CSMD2: variants seen among roughly 807,000 people sequenced by gnomAD.
CSMD2 encodes the protein CUB and sushi domain-containing protein 2.
In CSMD2, 130 loss-of-function variants were observed where a neutral mutation model predicts 398.5. The ratio of observed to expected loss-of-function variants is 0.33; its 90% CI spans 0.28 to 0.38. The LOEUF (loss-of-function observed/expected upper bound fraction) is 0.38. Among genes scored for constraint, CSMD2 ranks in the 10% least tolerant of loss-of-function variants. CSMD2 has a pLI of 1.00. For synonymous variants in CSMD2, 1,828 were observed against 1,908.5 expected, an observed-to-expected ratio of 0.96 and a Z score of 1.10; for missense variants, 3,829 against 4,764.9, an observed-to-expected ratio of 0.80 and a Z score of 5.78.
At chr1:33,660,843 G>A (rs1031329577) in intron 26 of CSMD2, among the ~76,000 whole-genome samples, 6 of 152,202 alleles carry the variant, frequency 3.9e-5, no homozygotes, top group South Asian at 4.1e-4. Flanking sequence ...TGAGAGAGTC[G>A]GGAGGCATGG....
intron 5 of CSMD2, among the ~76,000 whole-genome samples, chr1:33,886,537 C>T (rs1350336139): frequency 1.3e-5 from 2 of 152,130 alleles, no homozygotes; most frequent in East Asian, 1.9e-4. Flanking sequence ...TCTCTGGAAG[C>T]CCCCAGCCAC....
intron 13 of CSMD2, among the ~76,000 whole-genome samples, chr1:33,763,257 G>A (rs1650061457): frequency 6.6e-6 from 1 of 152,122 alleles, no homozygotes; most frequent in South Asian, 2.1e-4. Context: ...TCACAGAACT[G>A]ACACAAAACT....
chr1:33,910,407 C>T (rs1271505675), intron 5 of CSMD2, among the ~76,000 whole-genome samples: 1 of 152,196 alleles, frequency 6.6e-6, no homozygotes, highest in East Asian at 1.9e-4. Context: ...CAAAAATCAT[C>T]CTGTGGGACT....
intron 32 of CSMD2, among the ~76,000 whole-genome samples, chr1:33,628,378 A>G (rs539067795): frequency 6.6e-6 from 1 of 152,346 alleles, no homozygotes; most frequent in South Asian, 2.1e-4. Context: ...GAGAAAAAAA[A>G]TCATTTAAGG....
rs1299318634 is a variant in CSMD2, at chr1:33,852,807, CT to C, written c.921-5812del. On this transcript the variant is annotated intron_variant, in intron 5 of 70. Transcript: ENST00000373381. ...ACAGGGGTTGGCAAACTATAGCTTG[CT>C]GCCTGTCTTTGTAAATATGGTTTTA... Among the ~76,000 whole-genome samples, 12 of 152,348 alleles carry C rather than the reference CT, an allele frequency of 7.9e-5. 1 individual carries two copies. The highest frequency in any genetic ancestry group is 4.4e-5 in the Non-Finnish European group (3 of 68,040).
chr1:33,563,470 T>G (rs923882), intron 53 of CSMD2, among the ~76,000 whole-genome samples: 103,358 of 151,870 alleles, frequency 0.68, 35,813 homozygotes, highest in Admixed American at 0.8. Flanking sequence ...AGAAGCTATT[T>G]TCTGATGGCT....
At chr1:33,739,930 A>G (rs1336348742) in intron 14 of CSMD2, among the ~76,000 whole-genome samples, 1 of 152,138 alleles carries the variant, frequency 6.6e-6, no homozygotes, top group East Asian at 1.9e-4. Context: ...CAGAGTGGGG[A>G]GAGGACAGAG....
chr1:33,533,370 T>C lies in CSMD2; in HGVS notation c.9992-141A>G, dbSNP rs1655440643. On this transcript the variant is annotated intron_variant, in intron 63 of 70. Transcript: ENST00000373381. The surrounding 1 kb of genome is among the most constrained non-coding windows in gnomAD (Gnocchi z 4.2). ...TCATGCCAAGCATCCCCCTCCCTAA[T>C]CCTCCACCCTAACCCAAGCTCTGTG... 1.3e-6 allele frequency: 1 copy of C among 758,602 alleles called. No homozygotes were observed. The highest frequency in any genetic ancestry group is 2.1e-6 in the Non-Finnish European group (1 of 468,728). The allele number at this position is 758,602 out of a possible 1,614,324, so 47.0% of individuals were successfully genotyped here.
intron 1 of CSMD2, among the ~76,000 whole-genome samples, chr1:34,091,914 G>A (rs1250496785): frequency 6.6e-6 from 1 of 151,964 alleles, no homozygotes; most frequent in African/African-American, 2.4e-5. Context: ...ACAAGAAAAA[G>A]AAATGAGAAA....
At position 33,709,182 on chromosome 1, in the gene CSMD2, A is replaced by T. The variant is rs1468393072; in HGVS notation, c.3483T>A (p.Asn1161Lys). The T allele has an allele frequency of 6.2e-7, 1 of 1,614,078 alleles. No homozygotes were observed. The highest frequency in any genetic ancestry group is 1.7e-5 in the Admixed American group (1 of 60,022). ...TCTGGATGGAGTAGATGCATTCATG[A>T]TTGTTATTGTAGTTCACAGGAAAGT... ...SPNFPVNYNN[N>K]HECIYSIQTQ... The change falls in exon 22 of 71, where the codon AAT becomes AAA. Residue 1161 changes from asparagine (N) to lysine (K), a missense_variant. Physicochemically the swap from Asn to Lys is moderately conservative, Grantham distance 94. Coordinates refer to ENST00000373381, the MANE Select transcript of CSMD2 (RefSeq NM_001281956.2).
At chr1:33,812,528 G>A (rs1366632934) in intron 9 of CSMD2, among the ~76,000 whole-genome samples, 1 of 152,230 alleles carries the variant, frequency 6.6e-6, no homozygotes, top group Non-Finnish European at 1.5e-5. Context: ...TTCCTAGATT[G>A]CACTTGATAC....
chr1:33,578,782 G>A (rs927534729), intron 48 of CSMD2, among the ~76,000 whole-genome samples: 1 of 152,156 alleles, frequency 6.6e-6, no homozygotes, highest in Non-Finnish European at 1.5e-5. Context: ...CAGGATGCGC[G>A]TGTGGGGCCC....
chr1:33,791,719 C>T (rs1043777443), intron 11 of CSMD2, among the ~76,000 whole-genome samples: 3 of 152,198 alleles, frequency 2.0e-5, no homozygotes, highest in African/African-American at 7.2e-5. Flanking sequence ...ACCTCCTGAG[C>T]TCAAGCAATC....
intron 1 of CSMD2, among the ~76,000 whole-genome samples, chr1:34,109,443 G>T (rs531101128): frequency 6.6e-6 from 1 of 152,242 alleles, no homozygotes; most frequent in East Asian, 1.9e-4. Context: ...ATCATTCAAT[G>T]GACATTTGGC....
chr1:34,001,740 A>G (rs916808830), intron 3 of CSMD2, among the ~76,000 whole-genome samples: 1 of 152,218 alleles, frequency 6.6e-6, no homozygotes, highest in African/African-American at 2.4e-5. Flanking sequence ...AACTAAGATT[A>G]CACAACCCTG....
chr1:33,626,953 C>A (rs755890091), intron 32 of CSMD2, among the ~76,000 whole-genome samples: 1 of 152,114 alleles, frequency 6.6e-6, no homozygotes, highest in Non-Finnish European at 1.5e-5. Flanking sequence ...GTTACCAAGC[C>A]GGCTGACTGG....
At position 33,606,199 on chromosome 1, in the gene CSMD2, G is replaced by C. The variant is rs369860935; in HGVS notation, c.6344-729C>G. On this transcript the variant is annotated intron_variant, in intron 41 of 70. Transcript: ENST00000373381. ...CCTGAGCAAGGCCTTTGATGAATTG[G>C]GTCCACAGGACACAGAACAGCCTTC... Among the ~76,000 whole-genome samples the C allele has an allele frequency of 1.4e-4, 22 of 152,230 alleles. No individual in the cohort carries two copies. The East Asian group carries it at 2.9e-3, about 20-fold the overall frequency.
At chr1:33,653,921 T>C (rs1458618045) in intron 27 of CSMD2, among the ~76,000 whole-genome samples, 1 of 152,090 alleles carries the variant, frequency 6.6e-6, no homozygotes, top group Non-Finnish European at 1.5e-5. Context: ...ACTCCAAAGT[T>C]AGGAGCAGCC....
rs180831139 is a variant in CSMD2, at chr1:33,584,599, G to A, written c.7052-769C>T. ...GCAGGAGAATTGCTTCCCAGGAGGC[G>A]GAGGTTGCAGTGAGCTGAGATTGCA... On this transcript the variant is annotated intron_variant, in intron 46 of 70. Transcript: ENST00000373381. 5.4e-4 allele frequency among the ~76,000 whole-genome samples: 82 copies of A among 150,686 alleles called. 2 individuals are homozygous for A. The highest frequency in any genetic ancestry group is 1.9e-3 in the African/African-American group (77 of 41,126).
Sources: allele counts gnomAD v4.1 joint callset (sites outside exome capture counted in the v4.1 genomes callset), GRCh38; gene constraint gnomAD v4.1.1; non-coding constraint Gnocchi (gnomAD v3.1); transcripts MANE v1.5; gene names NCBI Gene and HGNC (gene_info 2026-07-23, HGNC 2026-07-21).